PLA2G4B: variants seen among roughly 807,000 people sequenced by gnomAD.
The protein encoded by PLA2G4B is cytosolic phospholipase A2 beta.
In PLA2G4B, 122 loss-of-function variants were observed where a neutral mutation model predicts 95.8. The ratio of observed to expected loss-of-function variants is 1.27; its 90% CI spans 1.10 to 1.48. The LOEUF (loss-of-function observed/expected upper bound fraction) is 1.48. PLA2G4B is among the 40% of genes most tolerant of loss of function. The pLI, the probability that PLA2G4B is intolerant of heterozygous loss-of-function variation, is 0.00. For synonymous variants in PLA2G4B, 518 were observed against 421.5 expected, an observed-to-expected ratio of 1.23 and a Z score of -2.80; for missense variants, 1,158 against 996.2, an observed-to-expected ratio of 1.16 and a Z score of -2.19.
rs1450994009 is a variant in PLA2G4B, at chr15:41,846,197, G to A, written c.1601-6G>A. On this transcript the variant is annotated splice_region_variant and splice_polypyrimidine_tract_variant and intron_variant, in intron 16 of 19. Coordinates refer to ENST00000458483, the MANE Select transcript of PLA2G4B (RefSeq NM_001114633.2). ...AGTCCCCATTTCCCCCACCTTGCCTGTGTAGACAAGGAGCAGGTCCCCCTT... is the reference window on the plus strand; with the variant it reads ...AGTCCCCATTTCCCCCACCTTGCCTATGTAGACAAGGAGCAGGTCCCCCTT... 2 of 1,612,280 alleles carry A rather than the reference G, an allele frequency of 1.2e-6. No homozygotes were observed. Among genetic ancestry groups the A allele is most frequent in the Non-Finnish European group, 1.7e-6 (2 of 1,178,670 alleles).
chr15:41,847,607 C>T, intron 19 of PLA2G4B, 42 bp from the exon 20 acceptor site: 1 of 1,612,804 alleles, frequency 6.2e-7, no homozygotes, highest in Non-Finnish European at 8.5e-7. Flanking sequence ...ACCTGTCTTC[C>T]CCACAACGTG....
At chr15:41,842,675 G>C in intron 10 of PLA2G4B, 84 bp downstream of exon 10, 24 of 1,475,030 alleles carry the variant, frequency 1.6e-5, no homozygotes, top group East Asian at 2.3e-5. Context: ...GAGTGAGGGG[G>C]AGAAACAGCC....
Position 41,847,396 on chromosome 15 carries a change from G to C in PLA2G4B, c.2007G>C (p.Ser669=), listed in dbSNP as rs754609536. ...AGGGGATCCCGTTCCCACCCATCTC[G>C]CCCAGCCCCGAAGAGCAGCTCCAGC... ...QEQGIPFPPI[S]PSPEEQLQPR... is the part of the protein sequence containing the mutation. Residue 669 remains serine, a synonymous_variant, in exon 19 of 20, where the codon TCG becomes TCC. Transcript: ENST00000458483. 1.2e-6 allele frequency: 2 copies of C among 1,612,316 alleles called. No homozygotes were observed. The highest frequency in any genetic ancestry group is 1.6e-4 in the Middle Eastern group (1 of 6,080).
chr15:41,847,246 GAGCCCCAGGTCCTGTGCATCTTACGTC>G, intron 18 of PLA2G4B, 64 bp from the exon 19 acceptor site: 1 of 1,491,328 alleles, frequency 6.7e-7, no homozygotes. Context: ...TTTGGCATTT[GAGCCCCAGGTCCTGTGCATCTTACGTC>G]AGCCCCAGTG....
Position 41,845,999 on chromosome 15 carries a change from G to T in PLA2G4B, c.1552G>T (p.Glu518Ter), listed in dbSNP as rs757159367. The T allele has an allele frequency of 2.0e-6, 3 of 1,525,938 alleles. No homozygotes were observed. The South Asian group carries it at 3.9e-5, about 20-fold the overall frequency. 94.5% of individuals were successfully genotyped at this position (1,525,938 alleles called of 1,614,324 possible). A position where few individuals can be genotyped will look rare whatever the true frequency, so the allele number is the denominator to read the frequency against. The stretch of plus-strand genomic sequence containing the variant: ...CCAGGACAGCTTATACTGGGCCTCA[G>T]AGCCCAGCCAGTTCTGGGACCGCTG... ...NLQDSLYWAS[E>*]PSQFWDRWVR... Residue 518 changes from glutamate (E) to a stop codon, truncating the protein, a stop_gained, in exon 16 of 20, where the codon GAG becomes TAG. Transcript: ENST00000458483. LOFTEE classifies it high-confidence loss of function.
chr15:41,845,412 A>T, intron 14 of PLA2G4B, 92 bp downstream of exon 14: 1 of 1,506,034 alleles, frequency 6.6e-7, no homozygotes, highest in African/African-American at 1.4e-5. Context: ...TGTCACACCC[A>T]CCTCTCCTGA....
chr15:41,840,185 AC>A lies in PLA2G4B; in HGVS notation c.38del (p.Thr13ArgfsTer15). The A allele has an allele frequency of 6.2e-7, 1 of 1,613,132 alleles. No homozygotes were observed. The highest frequency in any genetic ancestry group is 1.1e-5 in the South Asian group (1 of 91,068). ...VAEVSRTCLL[T>X]VRVLQAHRLP... The stretch of plus-strand genomic sequence containing the variant: ...AGAGGTGTCCAGGACCTGCCTGCTC[AC>A]GGTTCGTGTCCTGCAGGCCCATCGC... On this transcript the variant is annotated frameshift_variant, in exon 2 of 20. Coordinates refer to ENST00000458483, the MANE Select transcript of PLA2G4B (RefSeq NM_001114633.2). LOFTEE classifies it high-confidence loss of function.
At position 41,840,863 on chromosome 15, in the gene PLA2G4B, G is replaced by A; in HGVS notation, c.309G>A (p.Arg103=). ...LSVLFDAGTL[R]AGEFRRESFS... ...TACTGTTTGATGCGGGGACTCTGCG[G>A]GCTGGGGAGTTCCGGCGCGAGAGCT... Residue 103 remains arginine (R), a synonymous_variant, in exon 4 of 20, where the codon CGG becomes CGA. Transcript: ENST00000458483. The A allele has an allele frequency of 6.2e-7, 1 of 1,613,916 alleles. No homozygotes were observed. The highest frequency in any genetic ancestry group is 8.5e-7 in the Non-Finnish European group (1 of 1,179,824).
At position 41,846,719 on chromosome 15, in the gene PLA2G4B, C is replaced by T. The variant is rs1362765116; in HGVS notation, c.1831C>T (p.Leu611=). The change falls in exon 18 of 20, where the codon CTG becomes TTG. Residue 611 remains leucine (L), a synonymous_variant. Coordinates refer to ENST00000458483, the MANE Select transcript of PLA2G4B (RefSeq NM_001114633.2). ...PNQLTPSEPH[L]CLLDVGYLIN... is the part of the protein sequence containing the mutation. ...CCAGCTGACACCCTCGGAGCCCCACCTGTGCCTGCTGGATGTTGGCTACCT... is the reference window on the plus strand; with the variant it reads ...CCAGCTGACACCCTCGGAGCCCCACTTGTGCCTGCTGGATGTTGGCTACCT... 1 of 1,614,038 alleles carries T rather than the reference C, an allele frequency of 6.2e-7. No homozygotes were observed. Among genetic ancestry groups the T allele is most frequent in the Admixed American group, 1.7e-5 (1 of 60,032 alleles).
At chr15:41,840,737 C>T in intron 3 of PLA2G4B, 37 bp from the exon 4 acceptor site, 2 of 1,608,562 alleles carry the variant, frequency 1.2e-6, no homozygotes, top group Non-Finnish European at 1.7e-6. Context: ...TTTCTGTCCC[C>T]TCCCTCCTGC....
At chr15:41,841,644 C>A (rs2065433852) in intron 7 of PLA2G4B, 73 bp downstream of exon 7, 1 of 1,602,938 alleles carries the variant, frequency 6.2e-7, no homozygotes, top group Non-Finnish European at 8.5e-7. Context: ...TTGGACAATT[C>A]TCCTTGGGGC....
intron 18 of PLA2G4B, 148 bp from the exon 19 acceptor site, chr15:41,847,189 A>C: frequency 1.7e-6 from 2 of 1,160,026 alleles, no homozygotes; most frequent in Non-Finnish European, 2.3e-6. Flanking sequence ...TCAGGTGTGG[A>C]GAGTTTTTTT....
At position 41,846,777 on chromosome 15, in the gene PLA2G4B, C is replaced by G. The variant is rs2065559709; in HGVS notation, c.1889C>G (p.Pro630Arg). 1 of 1,613,992 alleles carries G rather than the reference C, an allele frequency of 6.2e-7. No individual in the cohort carries two copies. Among genetic ancestry groups the G allele is most frequent in the East Asian group, 2.2e-5 (1 of 44,866 alleles). ...ACCAGCTGCCTGCCCCTCCTGCAGC[C>G]CACTCGGGACGTGGACCTCATCCTG... is the stretch of plus-strand genomic sequence containing the variant. ...INTSCLPLLQ[P>R]TRDVDLILSL... Residue 630 changes from proline to arginine, a missense_variant, in exon 18 of 20, where the codon CCC (proline) becomes CGC (arginine). Coordinates refer to ENST00000458483, the MANE Select transcript of PLA2G4B (RefSeq NM_001114633.2).
rs756316867 is a variant in PLA2G4B at position 41,844,922 on chromosome 15, C to T, written c.1091C>T (p.Thr364Ile). The T allele has an allele frequency of 1.9e-6, 3 of 1,612,528 alleles. No individual in the cohort carries two copies. The highest frequency in any genetic ancestry group is 2.2e-5 in the South Asian group (2 of 90,620). Residue 364 changes from threonine (T) to isoleucine (I), a missense_variant, in exon 13 of 20, where the codon ACC (threonine) becomes ATC (isoleucine). By Grantham distance (89) the Thr-to-Ile change is moderately conservative (BLOSUM62 -1). Coordinates refer to ENST00000458483, the MANE Select transcript of PLA2G4B (RefSeq NM_001114633.2). ...GCAGGGCCCACTGAGTTGCTGAAGA[C>T]CCAGGTGACCAAGAACAAGCTGGGT... ...DLAGPTELLK[T>I]QVTKNKLGVL...
chr15:41,847,942 T>A lies in PLA2G4B; in HGVS notation c.*82T>A, dbSNP rs1484145804. The A allele has an allele frequency of 1.3e-6, 2 of 1,504,560 alleles. No homozygotes were observed. The highest frequency in any genetic ancestry group is 4.0e-5 in the Admixed American group (2 of 49,848). The allele number at this position is 1,504,560 out of a possible 1,614,324, so 93.2% of individuals were successfully genotyped here. ...GGTGGGAACTGTCATCACGCAGTGC[T>A]TCAGAGCCTCGGGCTCAGGTGGCAC... is the stretch of plus-strand genomic sequence containing the variant. On this transcript the variant is annotated 3_prime_UTR_variant, in exon 20 of 20. Coordinates refer to ENST00000458483, the MANE Select transcript of PLA2G4B (RefSeq NM_001114633.2).
chr15:41,841,313 C>CG, intron 6 of PLA2G4B, 40 bp downstream of exon 6: 1 of 1,611,442 alleles, frequency 6.2e-7, no homozygotes, highest in Non-Finnish European at 8.5e-7. Flanking sequence ...CTGGGGTCCC[C>CG]GGGACTCCCT....
chr15:41,841,404 TC>T, intron 6 of PLA2G4B, 112 bp from the exon 7 acceptor site: 1 of 1,607,534 alleles, frequency 6.2e-7, no homozygotes, highest in Non-Finnish European at 8.5e-7. Flanking sequence ...GGGAATACAA[TC>T]TCAAGGGCCC....
intron 14 of PLA2G4B, 120 bp from the exon 15 acceptor site, chr15:41,845,518 A>G (rs1021311957): frequency 6.6e-7 from 1 of 1,512,440 alleles, no homozygotes; most frequent in Non-Finnish European, 8.8e-7. Flanking sequence ...CACGAAGCCC[A>G]GGCCACAAGG....
Position 41,845,574 on chromosome 15 carries a change from C to T in PLA2G4B, c.1358-64C>T, listed in dbSNP as rs559738254. 125 of 1,592,206 alleles carry T rather than the reference C, an allele frequency of 7.9e-5. No homozygotes were observed. The African/African-American group carries it at 1.3e-3, about 17-fold the overall frequency. ...GCTGCCCTAAAGCAAAACCCTGGGTCGGGGTGGGGGTGTGGGTGCCTAAGG... is the reference window on the plus strand; with the variant it reads ...GCTGCCCTAAAGCAAAACCCTGGGTTGGGGTGGGGGTGTGGGTGCCTAAGG... On this transcript the variant is annotated intron_variant, in intron 14 of 19. Transcript: ENST00000458483.
Sources: allele counts gnomAD v4.1 joint callset, GRCh38; gene constraint gnomAD v4.1.1; transcripts MANE v1.5; gene names NCBI Gene and HGNC (gene_info 2026-07-23, HGNC 2026-07-21).